The following CNTNAP2 variants were observed in gnomAD, a reference collection of about 807,000 sequenced individuals.
CNTNAP2 encodes contactin associated protein 2.
Under a neutral mutation model 155.2 loss-of-function variants are expected in CNTNAP2, and 98 were observed. The ratio of observed to expected loss-of-function variants is 0.63; its 90% CI spans 0.54 to 0.75. The LOEUF is 0.75. CNTNAP2 is among the 30% of genes least tolerant of loss of function. The pLI, the probability that CNTNAP2 is intolerant of heterozygous loss-of-function variation, is 0.00. For missense variants in CNTNAP2, 1,727 were observed against 1,688.1 expected (o/e 1.02, Z -0.40); for synonymous variants, 651 against 631.2 (o/e 1.03, Z -0.47).
At chr7:146,120,809 C>A (rs898564320) in intron 1 of CNTNAP2, among the ~76,000 whole-genome samples, 1 of 152,122 alleles carries the variant, frequency 6.6e-6, no homozygotes, top group Non-Finnish European at 1.5e-5. Context: ...ACATGCAGTA[C>A]AGGTTTGTAG....
chr7:146,831,597 AC>A (rs1803512573), intron 2 of CNTNAP2, among the ~76,000 whole-genome samples: 1 of 144,704 alleles, frequency 6.9e-6, no homozygotes, highest in African/African-American at 2.6e-5. Flanking sequence ...AATCGCTTGA[AC>A]CCAGGAGGCG....
intron 10 of CNTNAP2, among the ~76,000 whole-genome samples, chr7:147,421,499 CATT>C (rs1295174951): frequency 1.3e-5 from 2 of 151,408 alleles, no homozygotes; most frequent in South Asian, 2.1e-4. Context: ...TATTTATCCA[CATT>C]ATCTAAATTA....
At chr7:148,174,253 A>T (rs1349163982) in intron 18 of CNTNAP2, among the ~76,000 whole-genome samples, 1 of 152,224 alleles carries the variant, frequency 6.6e-6, no homozygotes, top group Non-Finnish European at 1.5e-5. Flanking sequence ...ACTTGGTAGA[A>T]TGACAGTGGA....
chr7:147,892,000 A>G (rs577627028), intron 13 of CNTNAP2, among the ~76,000 whole-genome samples: 4 of 152,368 alleles, frequency 2.6e-5, no homozygotes, highest in African/African-American at 9.6e-5. Context: ...TACTATTATT[A>G]GAAAAAATCT....
rs916112286 is a variant in CNTNAP2 at position 147,222,833 on chromosome 7, T to C, written c.1349-77308T>C. ...AGGGTTTTTTTTTTTTTTTTTTTTT[T>C]CTGCCTCGTTAGGTGGGACAGGATG... is the stretch of plus-strand genomic sequence containing the variant. On this transcript the variant is annotated intron_variant, in intron 8 of 23. Transcript: ENST00000361727. Among the ~76,000 whole-genome samples the C allele has an allele frequency of 1.1e-4, 11 of 98,958 alleles. No homozygotes were observed. In the East Asian group the frequency reaches 1.8e-3, roughly 16 times the overall value. 64.9% of individuals were successfully genotyped at this position (98,958 alleles called of 152,430 possible).
intron 11 of CNTNAP2, among the ~76,000 whole-genome samples, chr7:147,545,569 C>T (rs774680449): frequency 5.3e-5 from 8 of 152,166 alleles, no homozygotes; most frequent in Admixed American, 2.6e-4. Flanking sequence ...CTTTGCTAGT[C>T]TTCCATAGGG....
At chr7:146,574,421 G>T (rs1475736759) in intron 1 of CNTNAP2, among the ~76,000 whole-genome samples, 1 of 152,154 alleles carries the variant, frequency 6.6e-6, no homozygotes, top group Non-Finnish European at 1.5e-5. Context: ...AAAACAATTA[G>T]GCCAGGTGTG....
chr7:148,145,418 A>G (rs1057345566), intron 16 of CNTNAP2, among the ~76,000 whole-genome samples: 5 of 152,198 alleles, frequency 3.3e-5, no homozygotes, highest in Non-Finnish European at 5.9e-5. Context: ...GAAGACCTGG[A>G]CACGAATTCA....
At chr7:146,201,639 A>AGT (rs57595774) in intron 1 of CNTNAP2, among the ~76,000 whole-genome samples, 6,359 of 146,844 alleles carry the variant, frequency 0.043, 319 homozygotes, top group African/African-American at 0.13. Flanking sequence ...ATGTCCCACG[A>AGT]GTGTGTGTGT....
intron 1 of CNTNAP2, among the ~76,000 whole-genome samples, chr7:146,298,838 G>T (rs368269291): frequency 1.3e-5 from 2 of 152,158 alleles, no homozygotes; most frequent in African/African-American, 4.8e-5. Context: ...TTAATTTGAG[G>T]AATGGAAGAG....
chr7:146,153,893 T>C (rs983395842), intron 1 of CNTNAP2, among the ~76,000 whole-genome samples: 4 of 152,196 alleles, frequency 2.6e-5, no homozygotes, highest in Non-Finnish European at 5.9e-5. Flanking sequence ...AGTAGCAGAT[T>C]ATTAAACTTC....
intron 9 of CNTNAP2, among the ~76,000 whole-genome samples, chr7:147,345,405 G>C (rs1281487844): frequency 6.6e-6 from 1 of 152,074 alleles, no homozygotes; most frequent in African/African-American, 2.4e-5. Context: ...GTCACACATA[G>C]GTAATTATAA....
intron 21 of CNTNAP2, among the ~76,000 whole-genome samples, chr7:148,345,711 C>G (rs1354101919): frequency 6.6e-6 from 1 of 152,182 alleles, no homozygotes; most frequent in South Asian, 2.1e-4. Flanking sequence ...AGAAACTGGA[C>G]AACTGTGGGG....
chr7:147,424,692 C>T (rs1797350520), intron 10 of CNTNAP2, among the ~76,000 whole-genome samples: 1 of 152,134 alleles, frequency 6.6e-6, no homozygotes, highest in South Asian at 2.1e-4. Flanking sequence ...CACACAACTG[C>T]CTGCTCCCAG....
intron 1 of CNTNAP2, among the ~76,000 whole-genome samples, chr7:146,144,463 A>G (rs1797928445): frequency 6.6e-6 from 1 of 152,170 alleles, no homozygotes; most frequent in Non-Finnish European, 1.5e-5. Flanking sequence ...CTTTTAATAA[A>G]TTTAAAAAAC....
chr7:148,417,908 C>T lies in CNTNAP2; in HGVS notation c.*2292C>T, dbSNP rs890403902. The T allele has an allele frequency of 6.6e-6, 1 of 152,204 alleles. No homozygotes were observed. The highest frequency in any genetic ancestry group is 2.4e-5 in the African/African-American group (1 of 41,444). 9.4% of individuals were successfully genotyped at this position (152,204 alleles called of 1,614,324 possible). On this transcript the variant is annotated 3_prime_UTR_variant, in exon 24 of 24. Coordinates refer to ENST00000361727, the MANE Select transcript of CNTNAP2 (RefSeq NM_014141.6). ...TTTCTCCTCCCTCTCCTTTTCCTGCCACAAAAGGTGAAAAATGAGATCCAA... is the reference window on the plus strand; with the variant it reads ...TTTCTCCTCCCTCTCCTTTTCCTGCTACAAAAGGTGAAAAATGAGATCCAA...
chr7:146,592,488 C>T (rs187175607), intron 1 of CNTNAP2, among the ~76,000 whole-genome samples: 170 of 152,332 alleles, frequency 1.1e-3, no homozygotes, highest in Admixed American at 3.1e-3. Flanking sequence ...GTATGTGACA[C>T]AGTCTCTGCA....
chr7:147,494,468 C>CAAAAAA (rs10562874), intron 11 of CNTNAP2, among the ~76,000 whole-genome samples: 4,240 of 115,906 alleles, frequency 0.037, 214 homozygotes, highest in African/African-American at 0.072. Flanking sequence ...TGAGTCTTGG[C>CAAAAAA]AAAAAAAAAA....
At chr7:146,250,135 C>G (rs1799733075) in intron 1 of CNTNAP2, among the ~76,000 whole-genome samples, 1 of 152,156 alleles carries the variant, frequency 6.6e-6, no homozygotes, top group Non-Finnish European at 1.5e-5. Context: ...GTAACACCTT[C>G]AGTTACAAAT....
Sources: allele counts gnomAD v4.1 joint callset (sites outside exome capture counted in the v4.1 genomes callset), GRCh38; gene constraint gnomAD v4.1.1; transcripts MANE v1.5; gene names NCBI Gene and HGNC (gene_info 2026-07-23, HGNC 2026-07-21).